The following ACACB variants were observed in gnomAD, a reference collection of about 807,000 sequenced individuals.
The protein encoded by ACACB is acetyl-CoA carboxylase beta.
ACACB carries 209 observed loss-of-function variants against 278.8 expected under a neutral mutation model. That is an observed-to-expected ratio of 0.75 (90% CI 0.67 to 0.84). The LOEUF (loss-of-function observed/expected upper bound fraction) is 0.84. Ranked by LOEUF, ACACB falls within the 40% of genes least tolerant of loss-of-function variation. The pLI is 0.00. For synonymous variants in ACACB, 1,174 were observed against 1,285.6 expected, an observed-to-expected ratio of 0.91 and a Z score of 1.86; for missense variants, 2,850 against 3,269.0, an observed-to-expected ratio of 0.87 and a Z score of 3.13.
At position 109,246,579 on chromosome 12, in the gene ACACB, A is replaced by G. The variant is rs558129926; in HGVS notation, c.5571+131A>G. 61 of 1,091,248 alleles carry G rather than the reference A, an allele frequency of 5.6e-5. No individual in the cohort carries two copies. The South Asian group carries it at 9.3e-4, about 17-fold the overall frequency. 67.6% of individuals were successfully genotyped at this position (1,091,248 alleles called of 1,614,324 possible). A position where few individuals can be genotyped will look rare whatever the true frequency, so the allele number is the denominator to read the frequency against. On this transcript the variant is annotated intron_variant, in intron 39 of 52. Transcript: ENST00000338432. ...TAAAGCACAGATGTACATGTAGTGT[A>G]TAAACAGGCATACAGTGTATCAGTG...
rs1194369718 is a variant in ACACB at position 109,259,086 on chromosome 12, G to A, written c.6474G>A (p.Arg2158=). The A allele has an allele frequency of 6.2e-7, 1 of 1,614,098 alleles. No individual in the cohort carries two copies. The highest frequency in any genetic ancestry group is 1.7e-5 in the Admixed American group (1 of 60,020). Residue 2158 remains arginine, a synonymous_variant, in exon 47 of 53, where the codon AGG becomes AGA. Transcript: ENST00000338432. ...KLPLMIFANW[R]GFSGGMKDMY... The stretch of plus-strand genomic sequence containing the variant: ...CCCTGATGATCTTTGCCAACTGGAG[G>A]GGGTTCTCCGGTGGCATGAAAGGTA...
intron 2 of ACACB, among the ~76,000 whole-genome samples, chr12:109,150,718 C>G (rs1462706166): frequency 6.6e-6 from 1 of 152,200 alleles, no homozygotes; most frequent in Non-Finnish European, 1.5e-5. Context: ...GCTTGCAGTG[C>G]AGCCTCCCAG....
chr12:109,250,233 GC>G, intron 41 of ACACB, 129 bp downstream of exon 41: 1 of 982,658 alleles, frequency 1.0e-6, no homozygotes, highest in Non-Finnish European at 1.4e-6. Context: ...GTTACCACAT[GC>G]CAGCCCACTG....
chr12:109,207,668 T>C (rs1169863928), intron 20 of ACACB, among the ~76,000 whole-genome samples: 1 of 152,186 alleles, frequency 6.6e-6, no homozygotes, highest in Non-Finnish European at 1.5e-5. Context: ...TTAGCAAGTA[T>C]GTACCATGTG....
intron 2 of ACACB, among the ~76,000 whole-genome samples, chr12:109,165,101 A>G (rs536001163): frequency 4.5e-4 from 68 of 152,262 alleles, no homozygotes; most frequent in African/African-American, 1.2e-3. Context: ...CATCTTCTTA[A>G]GTGGATGAAA....
chr12:109,256,105 C>T, intron 44 of ACACB, 35 bp from the exon 45 acceptor site: 1 of 1,589,058 alleles, frequency 6.3e-7, no homozygotes. Flanking sequence ...AGCCACCTGG[C>T]CCTCCAGCCT....
chr12:109,220,885 A>G (rs966923930), intron 24 of ACACB, among the ~76,000 whole-genome samples: 1 of 152,162 alleles, frequency 6.6e-6, no homozygotes, highest in Non-Finnish European at 1.5e-5. Context: ...TATTATTATT[A>G]TCTTTTGTAT....
At chr12:109,216,270 G>A (rs1438157031) in intron 22 of ACACB, among the ~76,000 whole-genome samples, 1 of 142,408 alleles carries the variant, frequency 7.0e-6, no homozygotes, top group Non-Finnish European at 1.5e-5. Context: ...CGCCCAGGCT[G>A]GAGTGCAGTG....
chr12:109,119,195 C>G (rs926874479), intron 1 of ACACB, among the ~76,000 whole-genome samples: 1 of 152,176 alleles, frequency 6.6e-6, no homozygotes, highest in African/African-American at 2.4e-5. Flanking sequence ...AATGGCAAAG[C>G]CTCCACCCAA....
chr12:109,143,281 G>C (rs921461586), intron 2 of ACACB, among the ~76,000 whole-genome samples: 2 of 151,658 alleles, frequency 1.3e-5, no homozygotes, highest in African/African-American at 2.4e-5. Flanking sequence ...GGGCAACATG[G>C]CAAAACCTCA....
chr12:109,153,122 G>A (rs2043424142), intron 2 of ACACB, among the ~76,000 whole-genome samples: 1 of 151,904 alleles, frequency 6.6e-6, no homozygotes, highest in Admixed American at 6.6e-5. Context: ...GAGTAGCTGG[G>A]ACTTCAGGCC....
chr12:109,140,927 T>C (rs2043108397), intron 2 of ACACB, among the ~76,000 whole-genome samples: 1 of 136,480 alleles, frequency 7.3e-6, no homozygotes, highest in South Asian at 2.7e-4. Context: ...GACAGGGTCT[T>C]ACTCTGTCAC....
chr12:109,119,478 G>A (rs1369761082), intron 1 of ACACB, among the ~76,000 whole-genome samples: 5 of 151,674 alleles, frequency 3.3e-5, no homozygotes, highest in South Asian at 2.1e-4. Flanking sequence ...TAAACCCAGC[G>A]ACTTGGGAGG....
intron 2 of ACACB, among the ~76,000 whole-genome samples, chr12:109,143,155 A>C (rs1642040): frequency 0.33 from 49,822 of 151,636 alleles, 8,845 homozygotes; most frequent in East Asian, 0.62. Context: ...TCTCCAATTT[A>C]TCATCTTTAG....
Position 109,188,154 on chromosome 12 carries a change from G to T in ACACB, c.2136G>T (p.Glu712Asp), listed in dbSNP as rs760676161. 3.8e-6 allele frequency: 6 copies of T among 1,598,440 alleles called. No individual in the cohort carries two copies. The South Asian group carries it at 4.4e-5, about 12-fold the overall frequency. ...HCFSWGENREEAISNMVVALK... is the reference protein window; with the variant it reads ...HCFSWGENREDAISNMVVALK... ...TCTCCTGGGGAGAGAACCGGGAAGAGGCCATTTCGTCAGTATCTCCTTCCT... is the reference window on the plus strand; with the variant it reads ...TCTCCTGGGGAGAGAACCGGGAAGATGCCATTTCGTCAGTATCTCCTTCCT... The change falls in exon 13 of 53, where the codon GAG becomes GAT. Residue 712 changes from glutamate to aspartate, a missense_variant. Transcript: ENST00000338432.
intron 20 of ACACB, among the ~76,000 whole-genome samples, 181 bp downstream of exon 20, chr12:109,207,037 C>T (rs1034524217): frequency 1.6e-4 from 24 of 152,286 alleles, no homozygotes; most frequent in African/African-American, 5.8e-4. Context: ...CTCACTGCAG[C>T]CTCGACCTCC....
intron 1 of ACACB, among the ~76,000 whole-genome samples, chr12:109,124,939 C>G (rs537812554): frequency 6.6e-6 from 1 of 152,264 alleles, no homozygotes; most frequent in South Asian, 2.1e-4. Flanking sequence ...TGGTCTCAAA[C>G]CTGAGCTCAA....
rs2047320328 is a variant in ACACB, at chr12:109,259,467, G to A, written c.6496+359G>A. On this transcript the variant is annotated intron_variant, in intron 47 of 52. Transcript: ENST00000338432. ...CTGGGCATGGTGGCACATGCCTATT[G>A]TCCCAGCTATTTGGGAGGCTGAGGT... Among the ~76,000 whole-genome samples, 3 of 151,880 alleles carry A rather than the reference G, an allele frequency of 2.0e-5. No individual in the cohort carries two copies. In the South Asian group the frequency reaches 6.2e-4, roughly 32 times the overall value.
At position 109,206,874 on chromosome 12, in the gene ACACB, C is replaced by G; in HGVS notation, c.3060+18C>G. On this transcript the variant is annotated intron_variant, in intron 20 of 52. Transcript: ENST00000338432. ...GCATAAAGGTAAAGTCACCTATGAG[C>G]GCAGGCGTGTAGACCAGTGCGGAGG... 1 of 1,614,060 alleles carries G rather than the reference C, an allele frequency of 6.2e-7. No homozygotes were observed. Among genetic ancestry groups the G allele is most frequent in the South Asian group, 1.1e-5 (1 of 91,080 alleles).
Sources: gnomAD v4.1 joint callset for allele counts (sites outside exome capture counted in the v4.1 genomes callset) on GRCh38, gnomAD v4.1.1 for gene constraint, MANE v1.5 for transcripts, NCBI Gene and HGNC (gene_info 2026-07-23, HGNC 2026-07-21) for gene names.